The following WWC2 variants were observed in gnomAD, a reference collection of about 807,000 sequenced individuals.
The protein encoded by WWC2 is WW and C2 domain containing 2.
In WWC2, 101 loss-of-function variants were observed where a neutral mutation model predicts 138.5. The ratio of observed to expected loss-of-function variants is 0.73; its 90% CI spans 0.62 to 0.86. WWC2 has a LOEUF of 0.86. Ranked by LOEUF, WWC2 falls within the 40% of genes least tolerant of loss-of-function variation. The pLI, the probability that WWC2 is intolerant of heterozygous loss-of-function variation, is 0.00. For missense variants in WWC2, 1,420 were observed against 1,419.4 expected, an observed-to-expected ratio of 1.00 and a Z score of -0.01; for synonymous variants, 558 against 538.4, an observed-to-expected ratio of 1.04 and a Z score of -0.50.
At chr4:183,207,819 G>A in intron 2 of WWC2, 134 bp from the exon 3 acceptor site, 2 of 744,516 alleles carry the variant, frequency 2.7e-6, no homozygotes, top group Admixed American at 3.4e-5. Flanking sequence ...AAAATTTCTG[G>A]AGAAGTCACT....
At chr4:183,276,028 A>G (rs1737844465) in intron 16 of WWC2, among the ~76,000 whole-genome samples, 1 of 152,036 alleles carries the variant, frequency 6.6e-6, no homozygotes, top group Admixed American at 6.6e-5. Flanking sequence ...ATTGCATTGC[A>G]TCTTTCTGTT....
At chr4:183,198,863 C>CT (rs1560838773) in intron 2 of WWC2, among the ~76,000 whole-genome samples, 1 of 146,264 alleles carries the variant, frequency 6.8e-6, no homozygotes, top group African/African-American at 2.5e-5. Flanking sequence ...CACATTACTG[C>CT]TTTCAAAATG....
At chr4:183,219,164 G>A (rs1326718070) in intron 4 of WWC2, among the ~76,000 whole-genome samples, 1 of 152,092 alleles carries the variant, frequency 6.6e-6, no homozygotes, top group African/African-American at 2.4e-5. Flanking sequence ...AAATAGAACA[G>A]TGGTTACCAG....
chr4:183,152,673 A>G (rs1733675376), intron 1 of WWC2, among the ~76,000 whole-genome samples: 1 of 152,056 alleles, frequency 6.6e-6, no homozygotes, highest in African/African-American at 2.4e-5. Flanking sequence ...CACCTGAGTC[A>G]GAAGTTCAAG....
chr4:183,256,730 C>T (rs1474336113), intron 9 of WWC2, among the ~76,000 whole-genome samples: 2 of 152,170 alleles, frequency 1.3e-5, no homozygotes, highest in African/African-American at 4.8e-5. Flanking sequence ...AAGCTACCTG[C>T]CGTATTCCCC....
chr4:183,136,018 T>C (rs569280495), intron 1 of WWC2, among the ~76,000 whole-genome samples: 5 of 152,288 alleles, frequency 3.3e-5, no homozygotes, highest in Non-Finnish European at 5.9e-5. Context: ...GGTCTCACTC[T>C]GTTTAAAACA....
intron 21 of WWC2, among the ~76,000 whole-genome samples, chr4:183,299,642 C>G (rs1191522688): frequency 6.6e-6 from 1 of 152,162 alleles, no homozygotes; most frequent in Non-Finnish European, 1.5e-5. Context: ...CTTCCCTCAC[C>G]TGCTTCCTCC....
At chr4:183,116,819 T>C (rs540634123) in intron 1 of WWC2, among the ~76,000 whole-genome samples, 15 of 152,382 alleles carry the variant, frequency 9.8e-5, no homozygotes, top group African/African-American at 3.6e-4. Context: ...TTATAGGCTC[T>C]GTTTAGTTAA....
chr4:183,205,497 T>C (rs1560842121), intron 2 of WWC2, among the ~76,000 whole-genome samples: 1 of 152,184 alleles, frequency 6.6e-6, no homozygotes, highest in Non-Finnish European at 1.5e-5. Context: ...TTATGGGCCA[T>C]ATTTTTGTGC....
intron 4 of WWC2, among the ~76,000 whole-genome samples, chr4:183,228,986 AT>A (rs779261121): frequency 3.3e-5 from 5 of 152,068 alleles, no homozygotes; most frequent in Non-Finnish European, 7.3e-5. Flanking sequence ...GAGTCCACTT[AT>A]ATTAAGTTCA....
chr4:183,305,842 T>A (rs1306543099), intron 21 of WWC2, among the ~76,000 whole-genome samples: 2 of 152,114 alleles, frequency 1.3e-5, no homozygotes, highest in African/African-American at 4.8e-5. Context: ...GAAAAAGGAA[T>A]AAACCAAGGT....
chr4:183,115,658 G>A (rs538862935), intron 1 of WWC2, among the ~76,000 whole-genome samples: 32 of 152,252 alleles, frequency 2.1e-4, no homozygotes, highest in African/African-American at 7.2e-4. Context: ...TTTGAGAAAT[G>A]TCTGTTCGTG....
intron 15 of WWC2, 181 bp downstream of exon 15, chr4:183,269,344 C>G (rs1435926041): frequency 1.6e-5 from 12 of 740,726 alleles, no homozygotes; most frequent in Non-Finnish European, 2.9e-5. Flanking sequence ...TTCTCTTATT[C>G]CAGACCTTTA....
chr4:183,220,179 G>GTT (rs1735881385), intron 4 of WWC2, among the ~76,000 whole-genome samples: 2 of 152,144 alleles, frequency 1.3e-5, no homozygotes, highest in African/African-American at 4.8e-5. Context: ...TGAGAATGAA[G>GTT]TTTGGAGTGG....
At chr4:183,182,120 G>T (rs1734650077) in intron 1 of WWC2, among the ~76,000 whole-genome samples, 1 of 152,174 alleles carries the variant, frequency 6.6e-6, no homozygotes, top group African/African-American at 2.4e-5. Flanking sequence ...ATGTAGTGAG[G>T]TTATAGAGAT....
chr4:183,213,427 A>G (rs1017275586), intron 4 of WWC2, among the ~76,000 whole-genome samples: 4 of 152,210 alleles, frequency 2.6e-5, no homozygotes, highest in South Asian at 2.1e-4. Context: ...ACTTGCCTGC[A>G]TTTTTGGTCA....
At chr4:183,311,577 G>T (rs1739242532) in intron 21 of WWC2, among the ~76,000 whole-genome samples, 1 of 133,640 alleles carries the variant, frequency 7.5e-6, no homozygotes. Context: ...TATGTGTGCA[G>T]GTTTTTTTTT....
chr4:183,140,810 T>G lies in WWC2; in HGVS notation c.131+41188T>G, dbSNP rs182980362. ...TTTTTATAATAAAAGCCACAGCCTT[T>G]ACTGAATTTTTACTCTAGGCCAGAC... On this transcript the variant is annotated intron_variant, in intron 1 of 22. Coordinates refer to ENST00000403733, the MANE Select transcript of WWC2 (RefSeq NM_024949.6). Among the ~76,000 whole-genome samples, 11 of 152,330 alleles carry G rather than the reference T, an allele frequency of 7.2e-5. No homozygotes were observed. In the East Asian group the frequency reaches 2.1e-3, roughly 29 times the overall value.
chr4:183,119,097 G>A (rs1010791859), intron 1 of WWC2, among the ~76,000 whole-genome samples: 1 of 152,020 alleles, frequency 6.6e-6, no homozygotes, highest in Non-Finnish European at 1.5e-5. Context: ...TGTGATTTTT[G>A]ATTATACTCC....
Sources: gnomAD v4.1 joint callset for allele counts (sites outside exome capture counted in the v4.1 genomes callset) on GRCh38, gnomAD v4.1.1 for gene constraint, MANE v1.5 for transcripts, NCBI Gene and HGNC (gene_info 2026-07-23, HGNC 2026-07-21) for gene names.